The following BMPR2 variants were observed in gnomAD, a reference collection of about 807,000 sequenced individuals.
The protein encoded by BMPR2 is bone morphogenetic protein receptor type 2.
A neutral mutation model predicts 100.8 loss-of-function variants in BMPR2; 29 were observed. That is an observed-to-expected ratio of 0.29 (90% CI 0.21 to 0.39). BMPR2 has a LOEUF of 0.39. Ranked by LOEUF, BMPR2 falls within the 10% of genes least tolerant of loss-of-function variation. The pLI is 1.00. For synonymous variants in BMPR2, 382 were observed against 442.3 expected (o/e 0.86, Z 1.71); for missense variants, 1,011 against 1,274.5 (o/e 0.79, Z 3.15).
At position 202,552,988 on chromosome 2, in the gene BMPR2, A is replaced by G. The variant is rs932573515; in HGVS notation, c.1586+100A>G. The G allele has an allele frequency of 5.1e-6, 7 of 1,371,656 alleles. No individual in the cohort carries two copies. The Admixed American group carries it at 5.2e-5, about 10-fold the overall frequency. 85.0% of individuals were successfully genotyped at this position (1,371,656 alleles called of 1,614,324 possible). ...ACTTTTAAACCAGCCTAATAGTTCA[A>G]TGATTACCTCATACAATCTAAAGTT... On this transcript the variant is annotated intron_variant, in intron 11 of 12. Coordinates refer to ENST00000374580, the MANE Select transcript of BMPR2 (RefSeq NM_001204.7).
chr2:202,484,236 A>T (rs1239447297), intron 3 of BMPR2, among the ~76,000 whole-genome samples: 1 of 152,232 alleles, frequency 6.6e-6, no homozygotes, highest in East Asian at 1.9e-4. Context: ...CAGATATTCT[A>T]AACACATCAC....
intron 3 of BMPR2, among the ~76,000 whole-genome samples, chr2:202,502,421 C>T (rs1687413277): frequency 6.6e-6 from 1 of 151,712 alleles, no homozygotes; most frequent in Admixed American, 6.6e-5. Flanking sequence ...GGAACAGACA[C>T]AGAAAGAGAG....
intron 3 of BMPR2, among the ~76,000 whole-genome samples, chr2:202,476,080 TAAAAAAA>T (rs56243938): frequency 5.2e-5 from 5 of 95,408 alleles, no homozygotes; most frequent in East Asian, 3.3e-4. Context: ...GTCTCAAGGT[TAAAAAAA>T]AAAAAAAAAA....
chr2:202,440,655 G>A (rs1388064765), intron 1 of BMPR2, among the ~76,000 whole-genome samples: 1 of 150,542 alleles, frequency 6.6e-6, no homozygotes, highest in Non-Finnish European at 1.5e-5. Context: ...CCGAGATCAC[G>A]CCACTGCACT....
At position 202,417,309 on chromosome 2, in the gene BMPR2, T is replaced by C. The variant is rs116257052; in HGVS notation, c.76+39759T>C. 3.6e-3 allele frequency among the ~76,000 whole-genome samples: 542 copies of C among 152,238 alleles called. 4 individuals are homozygous for C. Among genetic ancestry groups the C allele is most frequent in the African/African-American group, 0.012 (511 of 41,554 alleles). ...CTGCCACCATGCCCGGCTAATTTAT[T>C]TTTTTTGAGACGGAGTTTCACTTTT... is the stretch of plus-strand genomic sequence containing the variant. On this transcript the variant is annotated intron_variant, in intron 1 of 12. Transcript: ENST00000374580.
chr2:202,403,927 C>T (rs889696326), intron 1 of BMPR2, among the ~76,000 whole-genome samples: 3 of 151,366 alleles, frequency 2.0e-5, no homozygotes, highest in African/African-American at 7.3e-5. Flanking sequence ...ATTGTTTGAA[C>T]CTGGGAGGCG....
chr2:202,432,530 A>T (rs1296634744), intron 1 of BMPR2, among the ~76,000 whole-genome samples: 1 of 150,614 alleles, frequency 6.6e-6, no homozygotes, highest in Non-Finnish European at 1.5e-5. Context: ...AGCCTCCACA[A>T]CAAAGAATCA....
At chr2:202,456,304 T>G in intron 1 of BMPR2, among the ~76,000 whole-genome samples, 1 of 150,450 alleles carries the variant, frequency 6.6e-6, no homozygotes, top group Non-Finnish European at 1.5e-5. Context: ...CCCAACTTGC[T>G]GGGATTACAG....
At chr2:202,403,064 G>A (rs1416787680) in intron 1 of BMPR2, among the ~76,000 whole-genome samples, 2 of 151,888 alleles carry the variant, frequency 1.3e-5, no homozygotes, top group Non-Finnish European at 2.9e-5. Context: ...CGGACCTCAG[G>A]TAATCCACCC....
At chr2:202,502,254 A>C (rs1238807819) in intron 3 of BMPR2, among the ~76,000 whole-genome samples, 1 of 152,252 alleles carries the variant, frequency 6.6e-6, no homozygotes, top group East Asian at 1.9e-4. Flanking sequence ...ACAATGCAAA[A>C]ACACAAAGAG....
intron 5 of BMPR2, among the ~76,000 whole-genome samples, chr2:202,515,449 T>G (rs1325484328): frequency 6.6e-6 from 1 of 151,276 alleles, no homozygotes; most frequent in Non-Finnish European, 1.5e-5. Flanking sequence ...TTCATGCCTG[T>G]AATCCCAGCT....
At chr2:202,514,598 T>C (rs190179199) in intron 4 of BMPR2, among the ~76,000 whole-genome samples, 20 of 152,362 alleles carry the variant, frequency 1.3e-4, no homozygotes, top group Admixed American at 5.2e-4. Context: ...GAATAACTTC[T>C]ATACAATCTT....
At chr2:202,410,726 C>T (rs955415009) in intron 1 of BMPR2, among the ~76,000 whole-genome samples, 2 of 151,950 alleles carry the variant, frequency 1.3e-5, no homozygotes, top group Admixed American at 1.3e-4. Context: ...ACTACAGGCG[C>T]CCGCTGCCAC....
At chr2:202,509,746 A>C (rs982469542) in intron 3 of BMPR2, among the ~76,000 whole-genome samples, 1 of 151,964 alleles carries the variant, frequency 6.6e-6, no homozygotes, top group Non-Finnish European at 1.5e-5. Flanking sequence ...AAATTTAAAC[A>C]TGTCCACATA....
intron 3 of BMPR2, among the ~76,000 whole-genome samples, chr2:202,488,494 T>C (rs1692827285): frequency 6.6e-6 from 1 of 152,194 alleles, no homozygotes; most frequent in Non-Finnish European, 1.5e-5. Flanking sequence ...GTTCTCACTC[T>C]GTCTCCCAGG....
intron 1 of BMPR2, among the ~76,000 whole-genome samples, chr2:202,429,081 T>A (rs769311078): frequency 2.0e-5 from 3 of 152,202 alleles, no homozygotes; most frequent in Non-Finnish European, 2.9e-5. Flanking sequence ...AATCTATTCC[T>A]TTCTTGTTTT....
At chr2:202,456,802 A>G (rs1203963272) in intron 1 of BMPR2, among the ~76,000 whole-genome samples, 1 of 152,194 alleles carries the variant, frequency 6.6e-6, no homozygotes, top group African/African-American at 2.4e-5. Context: ...GGTATGAGCC[A>G]CTGTGTCCAG....
chr2:202,397,525 GTC>G (rs1359323654), intron 1 of BMPR2, among the ~76,000 whole-genome samples: 1 of 149,904 alleles, frequency 6.7e-6, no homozygotes, highest in Admixed American at 6.6e-5. Flanking sequence ...TTGAGTCAGG[GTC>G]TCTCTCTGTC....
chr2:202,492,141 A>G (rs1193380752), intron 3 of BMPR2, among the ~76,000 whole-genome samples: 2 of 152,162 alleles, frequency 1.3e-5, no homozygotes, highest in Non-Finnish European at 2.9e-5. Context: ...AAGCAAGGAA[A>G]TGATTACCAC....
Sources: allele counts gnomAD v4.1 joint callset (sites outside exome capture counted in the v4.1 genomes callset), GRCh38; gene constraint gnomAD v4.1.1; transcripts MANE v1.5; gene names NCBI Gene and HGNC (gene_info 2026-07-23, HGNC 2026-07-21).